The following C10orf143 variants were observed in gnomAD, a reference collection of about 807,000 sequenced individuals.
C10orf143 encodes uncharacterized protein C10orf143.
At chr10:130,106,322 C>A (rs1419953886) in intron 1 of C10orf143, 1 of 1,597,204 alleles carries the variant, frequency 6.3e-7, no homozygotes, top group Non-Finnish European at 8.6e-7. Flanking sequence ...ATGTAAACTA[C>A]TTGAAAAATT....
intron 3 of C10orf143, among the ~76,000 whole-genome samples, chr10:130,075,995 T>G (rs1391912142): frequency 1.3e-5 from 2 of 151,088 alleles, no homozygotes; most frequent in Non-Finnish European, 3.0e-5. Flanking sequence ...TTGTTTGTTT[T>G]TTTTTTTGGA....
intron 3 of C10orf143, among the ~76,000 whole-genome samples, chr10:130,055,612 T>C (rs952459137): frequency 6.6e-6 from 1 of 152,188 alleles, no homozygotes; most frequent in African/African-American, 2.4e-5. Flanking sequence ...TTAAGAATTA[T>C]GAATCATCAC....
chr10:130,050,321 G>A (rs1424628144), intron 3 of C10orf143, among the ~76,000 whole-genome samples: 1 of 152,254 alleles, frequency 6.6e-6, no homozygotes, highest in Non-Finnish European at 1.5e-5. Flanking sequence ...TGCAATCCCA[G>A]CACTTTGGGA....
chr10:130,046,273 G>A (rs1564952392), intron 3 of C10orf143, among the ~76,000 whole-genome samples: 1 of 152,062 alleles, frequency 6.6e-6, no homozygotes, highest in South Asian at 2.1e-4. Flanking sequence ...CGGGGGCACG[G>A]CAATGGGTGG....
chr10:130,066,880 G>A (rs973292291), intron 3 of C10orf143: 2 of 152,172 alleles, frequency 1.3e-5, no homozygotes, highest in Non-Finnish European at 2.9e-5. Flanking sequence ...ATTGTGCCTC[G>A]ACTGTGAGTC....
At chr10:130,081,649 A>T (rs1180580935) in intron 1 of C10orf143, among the ~76,000 whole-genome samples, 1 of 151,678 alleles carries the variant, frequency 6.6e-6, no homozygotes, top group Non-Finnish European at 1.5e-5. Context: ...AATTATTAAC[A>T]AAAACAAAAA....
chr10:130,084,120 C>T (rs1379780750), intron 1 of C10orf143, among the ~76,000 whole-genome samples: 3 of 151,954 alleles, frequency 2.0e-5, no homozygotes, highest in Non-Finnish European at 4.4e-5. Flanking sequence ...ACTAGCCTGG[C>T]CAATATGGTA....
At chr10:130,084,112 T>G (rs998104989) in intron 1 of C10orf143, among the ~76,000 whole-genome samples, 7 of 151,834 alleles carry the variant, frequency 4.6e-5, no homozygotes, top group African/African-American at 1.7e-4. Context: ...AATTTGAGAC[T>G]AGCCTGGCCA....
rs1861690405 is a variant in C10orf143 at position 130,108,096 on chromosome 10, C to T, written c.69+2608G>A. 5 of 1,518,472 alleles carry T rather than the reference C, an allele frequency of 3.3e-6. No homozygotes were observed. The East Asian group carries it at 1.1e-4, about 34-fold the overall frequency. 94.1% of individuals were successfully genotyped at this position (1,518,472 alleles called of 1,614,324 possible). ...TCATCTCTCCCTGCTGAAAATGCAG[C>T]AACTGGCCCTCGCTTTGTTCCTCCA... is the stretch of plus-strand genomic sequence containing the variant. On this transcript the variant is annotated intron_variant, in intron 1 of 3. Transcript: ENST00000637128.
intron 1 of C10orf143, among the ~76,000 whole-genome samples, chr10:130,088,384 CA>C (rs1188413491): frequency 1.3e-5 from 2 of 151,732 alleles, no homozygotes; most frequent in East Asian, 3.9e-4. Context: ...AACTCCATTT[CA>C]AAAAAATAAA....
intron 3 of C10orf143, among the ~76,000 whole-genome samples, chr10:130,051,578 TAA>T (rs1860739459): frequency 7.3e-5 from 1 of 13,694 alleles, no homozygotes; most frequent in African/African-American, 3.3e-4. Context: ...CCCACCTAGT[TAA>T]GAGTCTCATC....
intron 3 of C10orf143, among the ~76,000 whole-genome samples, chr10:130,073,619 GT>G (rs142150629): frequency 8.7e-5 from 13 of 149,764 alleles, no homozygotes; most frequent in East Asian, 3.9e-4. Context: ...TCAGCTGTGT[GT>G]TTTTTTTTTA....
chr10:130,041,978 A>G (rs1860612328), intron 3 of C10orf143, among the ~76,000 whole-genome samples: 1 of 152,196 alleles, frequency 6.6e-6, no homozygotes, highest in South Asian at 2.1e-4. Flanking sequence ...CACCCTAAGC[A>G]CACATTCACA....
intron 3 of C10orf143, chr10:130,066,326 T>G (rs2134747329): frequency 6.6e-6 from 1 of 151,494 alleles, no homozygotes; most frequent in Non-Finnish European, 1.5e-5. Flanking sequence ...TAGCTGGGAC[T>G]GCAGGTGCTT....
At chr10:130,068,610 T>TAA (rs1272809265) in intron 3 of C10orf143, 1 of 7,260 alleles carries the variant, frequency 1.4e-4, no homozygotes, top group Admixed American at 2.3e-3. Flanking sequence ...AAACTCCATC[T>TAA]CAAAAAAAAA....
intron 3 of C10orf143, among the ~76,000 whole-genome samples, chr10:130,079,178 C>T (rs954460131): frequency 3.3e-5 from 5 of 152,104 alleles, no homozygotes; most frequent in African/African-American, 1.2e-4. Context: ...ATGATAGAAA[C>T]ATGCAAGAAA....
rs1343505874 is a variant in C10orf143 at position 130,065,680 on chromosome 10, A to T, written c.298-1297T>A. 2 of 152,260 alleles carry T rather than the reference A, an allele frequency of 1.3e-5. No homozygotes were observed. 9.4% of individuals were successfully genotyped at this position (152,260 alleles called of 1,614,324 possible). ...ATCCCTTTACAAAAGGACATTTTGG[A>T]AACCAGTTTCTTCATGCAATTCTCG... On this transcript the variant is annotated intron_variant, in intron 3 of 3. Transcript: ENST00000637128. The surrounding 1 kb of genome is among the most constrained non-coding windows in gnomAD (Gnocchi z 4.2).
downstream of C10orf143, among the ~76,000 whole-genome samples, chr10:130,062,244 G>A (rs1292798062): frequency 1.3e-5 from 2 of 152,140 alleles, no homozygotes; most frequent in Non-Finnish European, 2.9e-5. Flanking sequence ...GGATAAAGCT[G>A]CTGGTTCTCC....
At chr10:130,109,753 A>G (rs1861727272) in intron 1 of C10orf143, among the ~76,000 whole-genome samples, 1 of 152,072 alleles carries the variant, frequency 6.6e-6, no homozygotes, top group African/African-American at 2.4e-5. Flanking sequence ...GTAGAAAGCT[A>G]GTCATTCCCG....
Sources: allele counts gnomAD v4.1 joint callset (sites outside exome capture counted in the v4.1 genomes callset), GRCh38; gene constraint gnomAD v4.1.1; non-coding constraint Gnocchi (gnomAD v3.1); transcripts MANE v1.5; gene names NCBI Gene and HGNC (gene_info 2026-07-23, HGNC 2026-07-21).